Variants in SENP6 observed in about 807,000 individuals in gnomAD.
SENP6 encodes the protein sentrin-specific protease 6.
SENP6 carries 41 observed loss-of-function variants against 134.5 expected under a neutral mutation model. The observed-to-expected ratio is 0.30, with a 90% CI of 0.24 to 0.40. The LOEUF is 0.40. SENP6 is among the 10% of genes least tolerant of loss of function. The pLI is 1.00. For missense variants in SENP6, 1,248 were observed against 1,312.5 expected, an observed-to-expected ratio of 0.95 and a Z score of 0.76; for synonymous variants, 395 against 429.8, an observed-to-expected ratio of 0.92 and a Z score of 1.00.
At chr6:75,637,184 T>C (rs571403201) in intron 5 of SENP6, among the ~76,000 whole-genome samples, 63 of 152,314 alleles carry the variant, frequency 4.1e-4, no homozygotes, top group African/African-American at 1.3e-3. Context: ...TCAAGTCTTA[T>C]AATAATTTGA....
rs778202339 is a variant in SENP6, at chr6:75,703,016, G to A, written c.2660G>A (p.Arg887Lys). 4 of 1,613,490 alleles carry A rather than the reference G, an allele frequency of 2.5e-6. No homozygotes were observed. Among genetic ancestry groups the A allele is most frequent in the East Asian group, 2.2e-5 (1 of 44,860 alleles). ...GESTSQKVADRTKSENGLQNE... is the reference protein window; with the variant it reads ...GESTSQKVADKTKSENGLQNE... ...TCTACATCCCAGAAAGTTGCTGATAGGACTAAAAGTGAGAATGGCCTACAG... is the reference window on the plus strand; with the variant it reads ...TCTACATCCCAGAAAGTTGCTGATAAGACTAAAAGTGAGAATGGCCTACAG... The change falls in exon 19 of 24, where the codon AGG becomes AAG. Residue 887 changes from arginine to lysine, a missense_variant. This residue lies in a region of SENP6 where 386 missense variants were observed against 395.0 expected (regional missense o/e 0.98). Coordinates refer to ENST00000447266, the MANE Select transcript of SENP6 (RefSeq NM_015571.4).
intron 21 of SENP6, among the ~76,000 whole-genome samples, chr6:75,712,908 C>T (rs1255908724): frequency 2.0e-5 from 3 of 151,930 alleles, no homozygotes; most frequent in Non-Finnish European, 4.4e-5. Context: ...AGTTCTATAC[C>T]AGCCTGGGCA....
In SENP6 at chr6:75,715,433, C is replaced by T. The variant is rs775242565; in HGVS notation, c.3178C>T (p.Pro1060Ser). Residue 1060 changes from proline (P) to serine (S), a missense_variant, in exon 24 of 24, where the codon CCT becomes TCT. Transcript: ENST00000447266. The stretch of plus-strand genomic sequence containing the variant: ...ACCTATGAATTTGGCAAACTGGTTT[C>T]CTCCACCAAGAATGAGAACAAAAAG... ...ELPMNLANWF[P>S]PPRMRTKREE... The T allele has an allele frequency of 4.3e-6, 7 of 1,613,240 alleles. No homozygotes were observed. The highest frequency in any genetic ancestry group is 5.9e-6 in the Non-Finnish European group (7 of 1,179,568).
chr6:75,676,062 G>T lies in SENP6; in HGVS notation c.1621+8G>T. 6.5e-7 allele frequency: 1 copy of T among 1,544,292 alleles called. No homozygotes were observed. The highest frequency in any genetic ancestry group is 1.2e-5 in the South Asian group (1 of 82,626). ...GAGTAAATAAATTAACAAGTAAGTT[G>T]TGTAAAACAGATTATAATAGATAAT... is the stretch of plus-strand genomic sequence containing the variant. On this transcript the variant is annotated splice_region_variant and intron_variant, in intron 13 of 23. Transcript: ENST00000447266.
chr6:75,692,111 C>T (rs1774319320), intron 16 of SENP6, among the ~76,000 whole-genome samples: 2 of 152,218 alleles, frequency 1.3e-5, no homozygotes, highest in Admixed American at 1.3e-4. Context: ...CTGCCTCGGC[C>T]TCCCAAAGTG....
intron 12 of SENP6, 114 bp from the exon 13 acceptor site, chr6:75,675,746 A>G: frequency 1.0e-6 from 1 of 977,972 alleles, no homozygotes; most frequent in South Asian, 1.5e-5. Context: ...TGATTTATAG[A>G]GCATAATAAA....
intron 16 of SENP6, among the ~76,000 whole-genome samples, chr6:75,686,696 C>A (rs929223215): frequency 1.3e-5 from 2 of 152,186 alleles, no homozygotes; most frequent in Middle Eastern, 3.2e-3. Context: ...GTTGAAAATT[C>A]TTTCCTTTAA....
Position 75,602,442 on chromosome 6 carries a change from C to G in SENP6, c.-83C>G, listed in dbSNP as rs1333093871. 1.6e-5 allele frequency: 24 copies of G among 1,491,340 alleles called. No homozygotes were observed. The highest frequency in any genetic ancestry group is 2.2e-5 in the Non-Finnish European group (24 of 1,097,472). The allele number at this position is 1,491,340 out of a possible 1,614,324, so 92.4% of individuals were successfully genotyped here. A position where few individuals can be genotyped will look rare whatever the true frequency, so the allele number is the denominator to read the frequency against. On this transcript the variant is annotated 5_prime_UTR_variant, in exon 1 of 24. Coordinates refer to ENST00000447266, the MANE Select transcript of SENP6 (RefSeq NM_015571.4). Reference sequence around the variant, plus strand: ...CCCGCAACCCTGCGGCGTCTACCCTCCTCCGGCGCGGCCCCTCATCCCGGC... The same window carrying G: ...CCCGCAACCCTGCGGCGTCTACCCTGCTCCGGCGCGGCCCCTCATCCCGGC...
chr6:75,666,043 A>T (rs1009054412), intron 9 of SENP6, among the ~76,000 whole-genome samples: 7 of 145,368 alleles, frequency 4.8e-5, no homozygotes, highest in African/African-American at 1.8e-4. Flanking sequence ...TATATATTTT[A>T]TATATATATG....
intron 16 of SENP6, among the ~76,000 whole-genome samples, chr6:75,694,655 T>C (rs959404641): frequency 6.6e-5 from 10 of 152,342 alleles, no homozygotes; most frequent in African/African-American, 2.4e-4. Flanking sequence ...TGTGTGGTTT[T>C]TATGAGTAGA....
At chr6:75,632,589 A>G (rs1436485646) in intron 3 of SENP6, among the ~76,000 whole-genome samples, 2 of 152,190 alleles carry the variant, frequency 1.3e-5, no homozygotes, top group African/African-American at 2.4e-5. Flanking sequence ...AGTAAGGTCC[A>G]TGTTTGTAAT....
intron 1 of SENP6, among the ~76,000 whole-genome samples, chr6:75,603,421 G>A (rs1766787914): frequency 6.6e-6 from 1 of 152,118 alleles, no homozygotes; most frequent in African/African-American, 2.4e-5. Flanking sequence ...ATTTGACTAT[G>A]GGTTCAGTGT....
intron 12 of SENP6, 157 bp from the exon 13 acceptor site, chr6:75,675,703 T>C (rs1420012259): frequency 2.3e-6 from 2 of 852,740 alleles, no homozygotes; most frequent in Non-Finnish European, 3.7e-6. Context: ...TTAAGGCAGT[T>C]ATAAAGATTT....
At chr6:75,655,632 T>C (rs1012482255) in intron 7 of SENP6, among the ~76,000 whole-genome samples, 4 of 152,230 alleles carry the variant, frequency 2.6e-5, no homozygotes, top group Admixed American at 2.6e-4. Flanking sequence ...CTTGCATCAA[T>C]AGTTTGTTTC....
chr6:75,685,285 A>C (rs1773748647), intron 16 of SENP6, among the ~76,000 whole-genome samples: 1 of 151,526 alleles, frequency 6.6e-6, no homozygotes, highest in Non-Finnish European at 1.5e-5. Flanking sequence ...CTTCTTTATT[A>C]GTCTTGCTAG....
intron 1 of SENP6, among the ~76,000 whole-genome samples, chr6:75,614,960 G>A (rs1218095996): frequency 1.3e-5 from 2 of 151,736 alleles, no homozygotes; most frequent in African/African-American, 4.8e-5. Flanking sequence ...GCCTGATCTC[G>A]GCTCACTGCA....
intron 3 of SENP6, among the ~76,000 whole-genome samples, chr6:75,632,423 A>C (rs550661619): frequency 6.6e-6 from 1 of 152,324 alleles, no homozygotes; most frequent in East Asian, 1.9e-4. Flanking sequence ...TAGAATTGTC[A>C]TGAGATTTAT....
chr6:75,612,699 A>G (rs1262233710), intron 1 of SENP6, among the ~76,000 whole-genome samples: 2 of 152,194 alleles, frequency 1.3e-5, no homozygotes, highest in African/African-American at 2.4e-5. Context: ...AGGAAAACTT[A>G]AAAACAGTAC....
intron 17 of SENP6, among the ~76,000 whole-genome samples, chr6:75,696,439 A>G (rs1041376415): frequency 2.0e-5 from 3 of 152,156 alleles, no homozygotes; most frequent in Non-Finnish European, 2.9e-5. Context: ...GATTCTTCTC[A>G]GACAAATTAA....
Sources: allele counts gnomAD v4.1 joint callset (sites outside exome capture counted in the v4.1 genomes callset), GRCh38; gene constraint gnomAD v4.1.1; regional missense constraint gnomAD v4.1.1; transcripts MANE v1.5; gene names NCBI Gene and HGNC (gene_info 2026-07-23, HGNC 2026-07-21).